The following UTS2 variants were observed in gnomAD, a reference collection of about 807,000 sequenced individuals.
UTS2 encodes urotensin-2.
In UTS2, 10 loss-of-function variants were observed where a neutral mutation model predicts 12.6. The observed-to-expected ratio is 0.80, with a 90% CI of 0.49 to 1.35. UTS2 has a LOEUF of 1.35. Among genes scored for constraint, UTS2 ranks in the 40% most tolerant of loss-of-function variants. The probability of loss-of-function intolerance (pLI) is 0.00; values close to 1 mark genes in which losing one functional copy is unlikely to be tolerated. For missense variants in UTS2, 142 were observed against 143.2 expected (o/e 0.99, Z 0.04); for synonymous variants, 52 against 50.0 (o/e 1.04, Z -0.17).
the UTS2 span, among the ~76,000 whole-genome samples, chr1:7,861,552 GT>G: frequency 2.0e-5 from 3 of 152,238 alleles, no homozygotes; most frequent in Non-Finnish European, 4.4e-5. Context: ...ACGTAACTGG[GT>G]TTTCTTGCAG....
upstream of UTS2, among the ~76,000 whole-genome samples, chr1:7,856,555 C>T (rs1373090486): frequency 6.6e-6 from 1 of 152,232 alleles, no homozygotes; most frequent in Admixed American, 6.5e-5. Flanking sequence ...AAGATTCCTG[C>T]GAGGGCAAAT....
the UTS2 span, among the ~76,000 whole-genome samples, chr1:7,892,140 T>C: frequency 1.3e-5 from 2 of 152,198 alleles, no homozygotes; most frequent in Non-Finnish European, 2.9e-5. Flanking sequence ...CGCTTGTCAC[T>C]GCATGGTCAG....
chr1:7,863,047 TGTA>T, the UTS2 span, among the ~76,000 whole-genome samples: 1 of 37,032 alleles, frequency 2.7e-5, no homozygotes, highest in African/African-American at 8.5e-5. Flanking sequence ...TGTATTGTAT[TGTA>T]TTGTATTGTA....
At chr1:7,877,939 G>T in the UTS2 span, among the ~76,000 whole-genome samples, 1 of 152,004 alleles carries the variant, frequency 6.6e-6, no homozygotes, top group Non-Finnish European at 1.5e-5. Flanking sequence ...CCAGATACCG[G>T]AAGCTCAAAG....
At chr1:7,849,936 G>C (rs1285978868) in intron 2 of UTS2, among the ~76,000 whole-genome samples, 3 of 150,430 alleles carry the variant, frequency 2.0e-5, no homozygotes, top group Non-Finnish European at 4.4e-5. Flanking sequence ...ATGAACTCCT[G>C]TCTATTAAAC....
chr1:7,912,596 G>A, the UTS2 span, among the ~76,000 whole-genome samples: 1 of 152,192 alleles, frequency 6.6e-6, no homozygotes, highest in Admixed American at 6.5e-5. Flanking sequence ...TGGGACTACA[G>A]GTGTGTGTCA....
chr1:7,872,337 AAAAAG>A, the UTS2 span, among the ~76,000 whole-genome samples: 1 of 137,862 alleles, frequency 7.3e-6, no homozygotes, highest in African/African-American at 2.9e-5. Context: ...AAAAAAAAAG[AAAAAG>A]AAAAAAAAGA....
the UTS2 span, among the ~76,000 whole-genome samples, chr1:7,896,480 G>C: frequency 6.6e-6 from 1 of 152,140 alleles, no homozygotes; most frequent in Non-Finnish European, 1.5e-5. Context: ...GTGTATGTGT[G>C]TGTTGTTCTT....
chr1:7,896,079 T>C, the UTS2 span, among the ~76,000 whole-genome samples: 1 of 152,252 alleles, frequency 6.6e-6, no homozygotes, highest in East Asian at 1.9e-4. Context: ...ATGAAAATGC[T>C]CCTGAAAATG....
chr1:7,906,601 C>T, the UTS2 span, among the ~76,000 whole-genome samples: 1 of 152,110 alleles, frequency 6.6e-6, no homozygotes, highest in Non-Finnish European at 1.5e-5. Flanking sequence ...TTCATACTTG[C>T]ACACAGAAAC....
chr1:7,849,522 T>C, intron 3 of UTS2, 118 bp downstream of exon 3: 2 of 955,046 alleles, frequency 2.1e-6, no homozygotes, highest in Non-Finnish European at 3.1e-6. Flanking sequence ...TGCTGGCCAA[T>C]TATTTTAAGG....
chr1:7,849,564 C>CATGAATTCA (rs2097411745), intron 3 of UTS2, 76 bp downstream of exon 3: 3 of 1,330,134 alleles, frequency 2.3e-6, no homozygotes, highest in Non-Finnish European at 3.2e-6. Flanking sequence ...TCCTCTAGTT[C>CATGAATTCA]ATGAATTCAG....
the UTS2 span, among the ~76,000 whole-genome samples, chr1:7,882,416 T>C: frequency 4.6e-5 from 7 of 152,122 alleles, no homozygotes; most frequent in Non-Finnish European, 7.4e-5. Context: ...TCTCCCCATA[T>C]ACAAAAATCA....
chr1:7,863,026 TTG>T, the UTS2 span, among the ~76,000 whole-genome samples: 109 of 51,974 alleles, frequency 2.1e-3, 9 homozygotes, highest in South Asian at 3.2e-3. Context: ...TTGTATTGTA[TTG>T]TATTGTATTG....
upstream of UTS2, chr1:7,853,372 G>T: frequency 6.2e-7 from 1 of 1,614,098 alleles, no homozygotes; most frequent in East Asian, 2.2e-5. Flanking sequence ...AAAGAGACGT[G>T]GATTTATGAG....
chr1:7,893,835 G>A, the UTS2 span, among the ~76,000 whole-genome samples: 6 of 152,182 alleles, frequency 3.9e-5, no homozygotes, highest in African/African-American at 1.4e-4. Flanking sequence ...AAATATGACC[G>A]TCCTTCTCTC....
chr1:7,877,928 T>C, the UTS2 span, among the ~76,000 whole-genome samples: 236 of 151,918 alleles, frequency 1.6e-3, 1 homozygote, highest in Non-Finnish European at 2.9e-3. Flanking sequence ...CATATAAGCA[T>C]CCAGATACCG....
At chr1:7,904,565 ATTAC>A in the UTS2 span, among the ~76,000 whole-genome samples, 1 of 152,102 alleles carries the variant, frequency 6.6e-6, no homozygotes, top group Non-Finnish European at 1.5e-5. Context: ...ATTGCTGTTT[ATTAC>A]TTAAATAGTT....
the UTS2 span, among the ~76,000 whole-genome samples, chr1:7,889,114 A>G: frequency 1.3e-5 from 2 of 151,832 alleles, no homozygotes; most frequent in Non-Finnish European, 2.9e-5. Context: ...AGAGAGGACA[A>G]ATGAAAAAGT....
Sources: gnomAD v4.1 joint callset for allele counts (sites outside exome capture counted in the v4.1 genomes callset) on GRCh38, gnomAD v4.1.1 for gene constraint, MANE v1.5 for transcripts, NCBI Gene and HGNC (gene_info 2026-07-23, HGNC 2026-07-21) for gene names.